Variants in PARP6 observed in about 807,000 individuals in gnomAD.
PARP6 encodes protein mono-ADP-ribosyltransferase PARP6.
A neutral mutation model predicts 92.0 loss-of-function variants in PARP6; 27 were observed. The ratio of observed to expected loss-of-function variants is 0.29; its 90% CI spans 0.22 to 0.40. The LOEUF (loss-of-function observed/expected upper bound fraction) is 0.40, where lower values mean the gene tolerates loss of function less well. Ranked by LOEUF, PARP6 falls within the 10% of genes least tolerant of loss-of-function variation. The pLI is 1.00. For missense variants in PARP6, 501 were observed against 784.5 expected (o/e 0.64, Z 4.32); for synonymous variants, 272 against 281.2 (o/e 0.97, Z 0.33).
At chr15:72,258,530 C>G (rs1358781146) in intron 11 of PARP6, among the ~76,000 whole-genome samples, 1 of 152,170 alleles carries the variant, frequency 6.6e-6, no homozygotes, top group East Asian at 1.9e-4. Context: ...GCTAATCAAA[C>G]TATTAAAAGT....
At chr15:72,249,085 T>C in intron 20 of PARP6, 160 bp downstream of exon 20, 1 of 424,166 alleles carries the variant, frequency 2.4e-6, no homozygotes. Context: ...AAATTTCTAA[T>C]AAGAAAATGT....
intron 19 of PARP6, among the ~76,000 whole-genome samples, chr15:72,249,628 C>T (rs1171784732): frequency 2.0e-5 from 3 of 152,182 alleles, no homozygotes; most frequent in East Asian, 1.9e-4. Flanking sequence ...AACTACAGAA[C>T]GGGTAGCCAG....
chr15:72,253,951 T>C (rs1202484629), intron 15 of PARP6: 1 of 446,154 alleles, frequency 2.2e-6, no homozygotes, highest in Non-Finnish European at 4.5e-6. Context: ...GAGGCCCACC[T>C]GTAAATGAGT....
At chr15:72,262,433 T>C (rs1488881821) in intron 8 of PARP6, among the ~76,000 whole-genome samples, 1 of 152,162 alleles carries the variant, frequency 6.6e-6, no homozygotes, top group African/African-American at 2.4e-5. Flanking sequence ...CTAAGATCAA[T>C]CCTTTGATTG....
In PARP6 at chr15:72,265,960, G is replaced by T; in HGVS notation, c.113C>A (p.Pro38Gln). Residue 38 changes from proline (P) to glutamine (Q), a missense_variant, in exon 5 of 24, where the codon CCA becomes CAA. By Grantham distance (76) the Pro-to-Gln change is moderately conservative. Around this residue, in one of 4 missense-constraint regions of PARP6, gnomAD observed 291 missense variants for 352.0 expected, o/e 0.83. Transcript: ENST00000569795. ...GSCAADLYRH[P>Q]QLDADIEAVK... is the part of the protein sequence containing the mutation. ...GGCTTCAATGTCTGCATCAAGCTGT[G>T]GGTGTCGATACAGGTCAGCTGCACA... 1 of 1,614,084 alleles carries T rather than the reference G, an allele frequency of 6.2e-7. No individual in the cohort carries two copies. The highest frequency in any genetic ancestry group is 8.5e-7 in the Non-Finnish European group (1 of 1,179,946).
At chr15:72,267,240 T>C in intron 3 of PARP6, 1 of 588,358 alleles carries the variant, frequency 1.7e-6, no homozygotes, top group East Asian at 2.8e-5. Flanking sequence ...CTTGTCTCAT[T>C]ATTTTCTTTC....
At position 72,250,017 on chromosome 15, in the gene PARP6, C is replaced by A. The variant is rs781356339; in HGVS notation, c.1491+3G>T. 3.2e-6 allele frequency: 5 copies of A among 1,584,628 alleles called. No individual in the cohort carries two copies. The Admixed American group carries it at 8.3e-5, about 26-fold the overall frequency. On this transcript the variant is annotated splice_donor_region_variant and intron_variant, in intron 19 of 23. Coordinates refer to ENST00000569795, the MANE Select transcript of PARP6 (RefSeq NM_001323532.2). ...AATAAAGGAGAAAGGGGCACAGCCT[C>A]ACCTGCAGTTTGGTGTAGGATGCAT...
Position 72,242,792 on chromosome 15 carries a change from C to T in PARP6, c.1562-93G>A. On this transcript the variant is annotated intron_variant, in intron 20 of 23. Coordinates refer to ENST00000569795, the MANE Select transcript of PARP6 (RefSeq NM_001323532.2). This position sits in a 1 kb window ranked among gnomAD's most constrained non-coding sequence, Gnocchi z 4.3. ...CTGAGCTAGATGCTCATCAAAACAG[C>T]AGAGAATAAAACAAAGAAGATTATT... The T allele has an allele frequency of 1.4e-6, 1 of 730,342 alleles. No homozygotes were observed. 45.2% of individuals were successfully genotyped at this position (730,342 alleles called of 1,614,324 possible).
At chr15:72,253,595 G>A (rs2084659832) in intron 15 of PARP6, 91 bp from the exon 16 acceptor site, 1 of 1,043,548 alleles carries the variant, frequency 9.6e-7, no homozygotes, top group Non-Finnish European at 1.5e-6. Context: ...AGGGTCCAGG[G>A]CAAGGTAGGC....
At position 72,241,566 on chromosome 15, in the gene PARP6, G is replaced by A. The variant is rs368963144; in HGVS notation, c.1791-9C>T. 3.1e-6 allele frequency: 5 copies of A among 1,590,684 alleles called. No homozygotes were observed. The African/African-American group carries it at 6.7e-5, about 21-fold the overall frequency. On this transcript the variant is annotated splice_polypyrimidine_tract_variant and intron_variant, in intron 23 of 23. Coordinates refer to ENST00000569795, the MANE Select transcript of PARP6 (RefSeq NM_001323532.2). The surrounding 1 kb of genome is among the most constrained non-coding windows in gnomAD (Gnocchi z 4.1). ...CCTGACCATCCTCATATCTGCCAAAGATAGGGCAAGTGTGAGCATAAGAGG... is the reference window on the plus strand; with the variant it reads ...CCTGACCATCCTCATATCTGCCAAAAATAGGGCAAGTGTGAGCATAAGAGG...
chr15:72,252,367 G>T (rs918716192), intron 16 of PARP6, among the ~76,000 whole-genome samples: 1 of 152,196 alleles, frequency 6.6e-6, no homozygotes, highest in Non-Finnish European at 1.5e-5. Context: ...CACTGTGGTA[G>T]ATTTTAAGTG....
Position 72,241,979 on chromosome 15 carries a change from G to A in PARP6, c.1712C>T (p.Thr571Ile), listed in dbSNP as rs1806265870. ...LNCIALCEVITSKDLQKHGNI... is the reference protein window; with the variant it reads ...LNCIALCEVIISKDLQKHGNI... ...CCCATGCTTCTGGAGGTCCTTAGAT[G>A]TAATCACTGGGAGAAAGAGGGCCAG... The change falls in exon 23 of 24, where the codon ACA becomes ATA. Residue 571 changes from threonine to isoleucine, a missense_variant. Coordinates refer to ENST00000569795, the MANE Select transcript of PARP6 (RefSeq NM_001323532.2). This position sits in a 1 kb window ranked among gnomAD's most constrained non-coding sequence, Gnocchi z 4.1. The A allele has an allele frequency of 1.2e-6, 2 of 1,611,108 alleles. No individual in the cohort carries two copies. The highest frequency in any genetic ancestry group is 1.7e-6 in the Non-Finnish European group (2 of 1,177,220).
rs1178755651 is a variant in PARP6 at position 72,259,634 on chromosome 15, T to A, written c.784A>T (p.Thr262Ser). 1 of 1,613,762 alleles carries A rather than the reference T, an allele frequency of 6.2e-7. No individual in the cohort carries two copies. The highest frequency in any genetic ancestry group is 2.2e-5 in the East Asian group (1 of 44,858). The change falls in exon 11 of 24, where the codon ACT becomes TCT. Residue 262 changes from threonine (T) to serine (S), a missense_variant. Thr to Ser is a moderately conservative substitution (Grantham distance 58). Coordinates refer to ENST00000569795, the MANE Select transcript of PARP6 (RefSeq NM_001323532.2). ...LVSGHCKNIP[T>S]LEYGFLVQIM... ...TGAACGAGGAATCCATACTCCAGAG[T>A]GGGAATGTTCTTGCAGTGACCACTG...
At chr15:72,247,514 T>C (rs1211547226) in intron 20 of PARP6, among the ~76,000 whole-genome samples, 1 of 152,188 alleles carries the variant, frequency 6.6e-6, no homozygotes, top group Non-Finnish European at 1.5e-5. Context: ...CAATCTTTTA[T>C]GATTTGTAAT....
intron 8 of PARP6, 117 bp from the exon 9 acceptor site, chr15:72,261,824 G>A: frequency 1.0e-6 from 1 of 956,452 alleles, no homozygotes; most frequent in Non-Finnish European, 1.6e-6. Context: ...AGTTGTGGTA[G>A]GGGAATGTGT....
intron 4 of PARP6, 135 bp downstream of exon 4, chr15:72,266,610 G>A: frequency 1.5e-6 from 1 of 683,068 alleles, no homozygotes; most frequent in Non-Finnish European, 2.6e-6. Context: ...GCTCTGACAA[G>A]ACCATGCTCA....
intron 4 of PARP6, 140 bp downstream of exon 4, chr15:72,266,605 G>C: frequency 1.5e-6 from 1 of 669,412 alleles, no homozygotes; most frequent in Non-Finnish European, 2.7e-6. Context: ...GATCAGCTCT[G>C]ACAAGACCAT....
rs1228553868 is a variant in PARP6, at chr15:72,241,282, A to G, written c.*173T>C. 2 of 697,190 alleles carry G rather than the reference A, an allele frequency of 2.9e-6. No individual in the cohort carries two copies. The highest frequency in any genetic ancestry group is 2.6e-6 in the Non-Finnish European group (1 of 380,482). 43.2% of individuals were successfully genotyped at this position (697,190 alleles called of 1,614,324 possible). A position where few individuals can be genotyped will look rare whatever the true frequency, so the allele number is the denominator to read the frequency against. ...GTCAGTCTGGGCCATCCGAATGTGGAGTAGTTCTTGGGTCAAGCTCTACCA... is the reference window on the plus strand; with the variant it reads ...GTCAGTCTGGGCCATCCGAATGTGGGGTAGTTCTTGGGTCAAGCTCTACCA... On this transcript the variant is annotated 3_prime_UTR_variant, in exon 24 of 24. Transcript: ENST00000569795. This position sits in a 1 kb window ranked among gnomAD's most constrained non-coding sequence, Gnocchi z 4.1.
At chr15:72,265,351 C>A (rs1331839842) in intron 6 of PARP6, 62 bp downstream of exon 6, 6 of 1,406,834 alleles carry the variant, frequency 4.3e-6, no homozygotes, top group Non-Finnish European at 6.1e-6. Flanking sequence ...GACTCCTGGC[C>A]TACATGACAA....
Sources: gnomAD v4.1 joint callset for allele counts (sites outside exome capture counted in the v4.1 genomes callset) on GRCh38, gnomAD v4.1.1 for gene constraint, gnomAD v4.1.1 regional missense constraint, Gnocchi (gnomAD v3.1) non-coding constraint, MANE v1.5 for transcripts, NCBI Gene and HGNC (gene_info 2026-07-23, HGNC 2026-07-21) for gene names.